MAD1L1: variants seen among roughly 807,000 people sequenced by gnomAD.
The protein encoded by MAD1L1 is mitotic arrest deficient 1 like 1, also known as mitotic spindle assembly checkpoint protein MAD1.
A neutral mutation model predicts 96.9 loss-of-function variants in MAD1L1; 95 were observed. That is an observed-to-expected ratio of 0.98 (90% CI 0.83 to 1.16). MAD1L1 has a LOEUF of 1.16. MAD1L1 is among the 50% of genes most tolerant of loss of function. The pLI, the probability that MAD1L1 is intolerant of heterozygous loss-of-function variation, is 0.00. For synonymous variants in MAD1L1, 473 were observed against 396.6 expected (o/e 1.19, Z -2.29); for missense variants, 1,007 against 954.4 (o/e 1.06, Z -0.73).
At chr7:1,986,496 G>A (rs559982896) in intron 14 of MAD1L1, among the ~76,000 whole-genome samples, 3 of 147,146 alleles carry the variant, frequency 2.0e-5, no homozygotes, top group Non-Finnish European at 3.0e-5. Flanking sequence ...CGGCTCCCTC[G>A]CGCCGGCAAG....
At chr7:2,067,713 GC>G (rs1387244649) in intron 12 of MAD1L1, among the ~76,000 whole-genome samples, 1 of 152,248 alleles carries the variant, frequency 6.6e-6, no homozygotes, top group African/African-American at 2.4e-5. Context: ...CTGCAGCAGC[GC>G]TTTGTGATGA....
At chr7:1,920,241 T>C (rs912670592) in intron 17 of MAD1L1, among the ~76,000 whole-genome samples, 1 of 151,130 alleles carries the variant, frequency 6.6e-6, no homozygotes, top group African/African-American at 2.5e-5. Context: ...TCCGTGTGCG[T>C]GCGTGCGTGC....
At chr7:2,126,747 G>T (rs1466247412) in intron 11 of MAD1L1, among the ~76,000 whole-genome samples, 3 of 152,130 alleles carry the variant, frequency 2.0e-5, no homozygotes, top group Non-Finnish European at 4.4e-5. Context: ...CAGAGTGACC[G>T]CTGGGCAGCT....
In MAD1L1 at chr7:1,964,914, C is replaced by A. The variant is rs563995939; in HGVS notation, c.1506-7195G>T. On this transcript the variant is annotated intron_variant, in intron 15 of 18. Transcript: ENST00000265854. The stretch of plus-strand genomic sequence containing the variant: ...CTGGAGAGGGGACAGTAGGGAGACC[C>A]GAGGCCCAACGGGCAGACAGCATCC... Among the ~76,000 whole-genome samples the A allele has an allele frequency of 5.3e-5, 8 of 152,312 alleles. No individual in the cohort carries two copies. The South Asian group carries it at 1.7e-3, about 32-fold the overall frequency.
At chr7:2,050,429 G>T (rs982695108) in intron 12 of MAD1L1, among the ~76,000 whole-genome samples, 3 of 152,170 alleles carry the variant, frequency 2.0e-5, no homozygotes, top group Non-Finnish European at 4.4e-5. Context: ...GGTGAGCCAG[G>T]GGGTTCCTGG....
At chr7:2,184,425 T>C (rs544927514) in intron 10 of MAD1L1, among the ~76,000 whole-genome samples, 10 of 152,294 alleles carry the variant, frequency 6.6e-5, no homozygotes, top group South Asian at 2.1e-4. Context: ...GGTGAAAATA[T>C]AATGCAAATG....
chr7:1,893,102 G>A (rs1786649375), intron 18 of MAD1L1, among the ~76,000 whole-genome samples: 1 of 152,190 alleles, frequency 6.6e-6, no homozygotes, highest in African/African-American at 2.4e-5. Flanking sequence ...TAGGGACTCT[G>A]GAATCTCTAT....
At chr7:1,906,037 A>G (rs1787606901) in intron 17 of MAD1L1, among the ~76,000 whole-genome samples, 1 of 135,324 alleles carries the variant, frequency 7.4e-6, no homozygotes, top group African/African-American at 2.8e-5. Context: ...GTGACACAGT[A>G]AGACTCCATC....
intron 14 of MAD1L1, among the ~76,000 whole-genome samples, chr7:1,993,311 G>A (rs1781428927): frequency 6.6e-6 from 1 of 152,216 alleles, no homozygotes; most frequent in Admixed American, 6.5e-5. Flanking sequence ...AGGGCTTCTG[G>A]GGGAGCCACA....
At chr7:2,092,935 T>C (rs1786288733) in intron 11 of MAD1L1, among the ~76,000 whole-genome samples, 1 of 152,080 alleles carries the variant, frequency 6.6e-6, no homozygotes, top group African/African-American at 2.4e-5. Context: ...GGTAACCAGG[T>C]AATGCATATA....
intron 15 of MAD1L1, among the ~76,000 whole-genome samples, chr7:1,978,569 C>T (rs895255468): frequency 2.0e-5 from 3 of 152,176 alleles, no homozygotes; most frequent in African/African-American, 7.2e-5. Flanking sequence ...AAAGAGACTG[C>T]ATGCTCACCA....
At chr7:2,140,630 C>G (rs973703346) in intron 11 of MAD1L1, among the ~76,000 whole-genome samples, 1 of 152,224 alleles carries the variant, frequency 6.6e-6, no homozygotes, top group South Asian at 2.1e-4. Context: ...CATCCCAGCA[C>G]GAGGCCAGGC....
At chr7:1,850,890 C>T (rs1783933315) in intron 18 of MAD1L1, among the ~76,000 whole-genome samples, 1 of 152,182 alleles carries the variant, frequency 6.6e-6, no homozygotes, top group South Asian at 2.1e-4. Context: ...CCGAAACCTG[C>T]CTGACCCCGT....
At chr7:1,948,950 C>T (rs1351314152) in intron 16 of MAD1L1, among the ~76,000 whole-genome samples, 1 of 152,228 alleles carries the variant, frequency 6.6e-6, no homozygotes, top group Non-Finnish European at 1.5e-5. Flanking sequence ...CCAGGCCAGA[C>T]ACTCGTACAA....
Position 2,086,418 on chromosome 7 carries a change from GGTCA to G in MAD1L1, c.1074-17084_1074-17081del, listed in dbSNP as rs1422745340. 5.3e-5 allele frequency among the ~76,000 whole-genome samples: 8 copies of G among 152,356 alleles called. No individual in the cohort carries two copies. The East Asian group carries it at 7.7e-4, about 15-fold the overall frequency. On this transcript the variant is annotated intron_variant, in intron 11 of 18. Coordinates refer to ENST00000265854, the MANE Select transcript of MAD1L1 (RefSeq NM_001013836.2). ...GACCTTTAATTGGAGGCTCCAGACA[GGTCA>G]GTCAGTCAGTGCCAAGGAGCACGAC...
chr7:2,204,748 T>C (rs1475572140), intron 10 of MAD1L1, among the ~76,000 whole-genome samples: 1 of 152,228 alleles, frequency 6.6e-6, no homozygotes, highest in Non-Finnish European at 1.5e-5. Flanking sequence ...TCTACAAACA[T>C]TCCTGTACAA....
At chr7:1,871,594 C>T (rs537360512) in intron 18 of MAD1L1, among the ~76,000 whole-genome samples, 130 of 147,244 alleles carry the variant, frequency 8.8e-4, no homozygotes, top group African/African-American at 3.1e-3. Context: ...CCCACCGTAA[C>T]ACCTGCCACG....
chr7:2,034,241 C>T (rs964906543), intron 12 of MAD1L1, among the ~76,000 whole-genome samples: 7 of 144,876 alleles, frequency 4.8e-5, no homozygotes, highest in African/African-American at 1.9e-4. Flanking sequence ...TTTTTGGAGA[C>T]GGAGTCTCGC....
At chr7:1,934,486 C>T (rs1218760515) in intron 17 of MAD1L1, among the ~76,000 whole-genome samples, 1 of 150,982 alleles carries the variant, frequency 6.6e-6, no homozygotes, top group Non-Finnish European at 1.5e-5. Flanking sequence ...CGAGCGAACC[C>T]TAGACAGGCA....
Sources: allele counts gnomAD v4.1 joint callset (sites outside exome capture counted in the v4.1 genomes callset), GRCh38; gene constraint gnomAD v4.1.1; transcripts MANE v1.5; gene names NCBI Gene and HGNC (gene_info 2026-07-23, HGNC 2026-07-21).